PRUNE2: variants seen among roughly 807,000 people sequenced by gnomAD.
PRUNE2 encodes protein prune homolog 2.
A neutral mutation model predicts 252.0 loss-of-function variants in PRUNE2; 164 were observed. The ratio of observed to expected loss-of-function variants is 0.65; its 90% CI spans 0.57 to 0.74. The LOEUF is 0.74. Among genes scored for constraint, PRUNE2 ranks in the 30% least tolerant of loss-of-function variants. PRUNE2 has a pLI of 0.00. For synonymous variants in PRUNE2, 1,292 were observed against 1,350.2 expected (o/e 0.96, Z 0.94); for missense variants, 3,495 against 3,711.0 (o/e 0.94, Z 1.51).
chr9:76,642,451 C>T (rs536792552), intron 12 of PRUNE2, among the ~76,000 whole-genome samples: 1 of 152,312 alleles, frequency 6.6e-6, no homozygotes, highest in African/African-American at 2.4e-5. Context: ...ACAGGTAGGA[C>T]ACCTGGCAGG....
rs1248532272 is a variant in PRUNE2 at position 76,854,090 on chromosome 9, C to CT, written c.141+13dup. On this transcript the variant is annotated intron_variant, in intron 2 of 18. Transcript: ENST00000376718. ...AATTCAAAATATAAGGAGTATTACC[C>CT]TTTTTTCCCTCACCTTGTCTAGAAA... is the stretch of plus-strand genomic sequence containing the variant. 3 of 1,382,594 alleles carry CT rather than the reference C, an allele frequency of 2.2e-6. No homozygotes were observed. The highest frequency in any genetic ancestry group is 1.3e-5 in the South Asian group (1 of 79,950). 85.6% of individuals were successfully genotyped at this position (1,382,594 alleles called of 1,614,324 possible).
At chr9:76,894,561 C>G (rs572928680) in intron 1 of PRUNE2, among the ~76,000 whole-genome samples, 1 of 152,150 alleles carries the variant, frequency 6.6e-6, no homozygotes, top group Non-Finnish European at 1.5e-5. Flanking sequence ...CTGGCCAGCA[C>G]CACTGACCAC....
chr9:76,866,927 C>G (rs11145108), intron 1 of PRUNE2, among the ~76,000 whole-genome samples: 6,229 of 152,180 alleles, frequency 0.041, 400 homozygotes, highest in African/African-American at 0.14. Flanking sequence ...AGCCCAGGCC[C>G]CTGTGTGCAC....
rs566424507 is a variant in PRUNE2 at position 76,866,852 on chromosome 9, A to G, written c.37-12644T>C. 3.3e-5 allele frequency among the ~76,000 whole-genome samples: 5 copies of G among 151,606 alleles called. No individual in the cohort carries two copies. The South Asian group carries it at 8.4e-4, about 25-fold the overall frequency. ...GTAGGGAGGAAGTTAAGAGGGAGAG[A>G]GGGAGCGGATGGTCAGAAGGGAGGG... On this transcript the variant is annotated intron_variant, in intron 1 of 18. Transcript: ENST00000376718.
chr9:76,643,600 C>T (rs1410546699), intron 12 of PRUNE2, among the ~76,000 whole-genome samples: 1 of 152,310 alleles, frequency 6.6e-6, no homozygotes, highest in Non-Finnish European at 1.5e-5. Flanking sequence ...GGAAACTGCT[C>T]CTGACCCCAC....
At chr9:76,768,530 C>T (rs1482812441) in intron 6 of PRUNE2, among the ~76,000 whole-genome samples, 2 of 151,278 alleles carry the variant, frequency 1.3e-5, no homozygotes, top group African/African-American at 4.9e-5. Context: ...GCAGCCGCAC[C>T]TAGAACGTTC....
At chr9:76,762,449 G>C (rs866732004) in intron 6 of PRUNE2, among the ~76,000 whole-genome samples, 1 of 152,116 alleles carries the variant, frequency 6.6e-6, no homozygotes, top group Admixed American at 6.5e-5. Context: ...TGCTTGGCTC[G>C]AACTTTCTGG....
intron 14 of PRUNE2, 46 bp downstream of exon 14, chr9:76,637,372 A>G (rs1456621333): frequency 1.9e-6 from 3 of 1,598,690 alleles, no homozygotes; most frequent in South Asian, 2.2e-5. Flanking sequence ...TTTAGTCTTC[A>G]GTTTACCAAA....
intron 6 of PRUNE2, among the ~76,000 whole-genome samples, chr9:76,822,402 G>A (rs1589407823): frequency 6.6e-6 from 1 of 152,200 alleles, no homozygotes; most frequent in African/African-American, 2.4e-5. Context: ...AAAAGATCAC[G>A]AAAAGAAAGC....
chr9:76,710,414 C>T lies in PRUNE2; in HGVS notation c.1860G>A (p.Ser620=), dbSNP rs547633681. 12 of 1,613,778 alleles carry T rather than the reference C, an allele frequency of 7.4e-6. No individual in the cohort carries two copies. Among genetic ancestry groups the T allele is most frequent in the African/African-American group, 2.7e-5 (2 of 74,898 alleles). Reference sequence around the variant, plus strand: ...GTGAGGCTGGTTCTTCAGTGGATGGCGAGCTTTCTACTAAACTATTCATGG... The same window carrying T: ...GTGAGGCTGGTTCTTCAGTGGATGGTGAGCTTTCTACTAAACTATTCATGG... The part of the protein sequence containing the change: ...PTPMNSLVES[S]PSTEEPASLY... The change falls in exon 8 of 19, where the codon TCG becomes TCA. Residue 620 remains serine (S), a synonymous_variant. Transcript: ENST00000376718.
chr9:76,807,158 C>A (rs1188735016), intron 6 of PRUNE2, among the ~76,000 whole-genome samples: 1 of 151,764 alleles, frequency 6.6e-6, no homozygotes, highest in Non-Finnish European at 1.5e-5. Context: ...CAGCCTTAAA[C>A]TCCTGGGCTC....
chr9:76,856,402 C>T (rs1366737223), intron 1 of PRUNE2: 1 of 152,186 alleles, frequency 6.6e-6, no homozygotes, highest in Non-Finnish European at 1.5e-5. Flanking sequence ...TGATCATTCC[C>T]TGACATAGCT....
chr9:76,627,303 G>GGGGC (rs1835327366), intron 16 of PRUNE2, among the ~76,000 whole-genome samples: 1 of 121,566 alleles, frequency 8.2e-6, no homozygotes, highest in South Asian at 3.2e-4. Context: ...GGGTGGCGGG[G>GGGGC]GGCTCACCAT....
At chr9:76,826,201 T>A (rs1041476090) in intron 5 of PRUNE2, among the ~76,000 whole-genome samples, 2 of 152,130 alleles carry the variant, frequency 1.3e-5, no homozygotes, top group Non-Finnish European at 2.9e-5. Flanking sequence ...CAGCTGGGCA[T>A]GGTGGCTCAC....
At chr9:76,670,176 A>G (rs949372690) in intron 9 of PRUNE2, among the ~76,000 whole-genome samples, 1 of 152,170 alleles carries the variant, frequency 6.6e-6, no homozygotes, top group Non-Finnish European at 1.5e-5. Context: ...GACAGTGGGC[A>G]CAGGTCAGTG....
intron 9 of PRUNE2, among the ~76,000 whole-genome samples, chr9:76,679,302 A>G (rs1458779183): frequency 6.6e-6 from 1 of 152,212 alleles, no homozygotes; most frequent in Non-Finnish European, 1.5e-5. Flanking sequence ...GTGGTTTTCA[A>G]AACCAAGTGA....
At chr9:76,663,415 C>A (rs1318339846) in intron 9 of PRUNE2, among the ~76,000 whole-genome samples, 1 of 152,186 alleles carries the variant, frequency 6.6e-6, no homozygotes, top group African/African-American at 2.4e-5. Context: ...CAGACACCTT[C>A]TTTAGGGAAT....
intron 6 of PRUNE2, among the ~76,000 whole-genome samples, chr9:76,758,132 A>C (rs1458445119): frequency 1.3e-5 from 2 of 152,256 alleles, no homozygotes; most frequent in Non-Finnish European, 2.9e-5. Flanking sequence ...AAACTAATAG[A>C]GTAAAAGAGA....
At chr9:76,842,327 A>G (rs952206675) in intron 4 of PRUNE2, among the ~76,000 whole-genome samples, 23 of 152,354 alleles carry the variant, frequency 1.5e-4, no homozygotes, top group African/African-American at 5.3e-4. Context: ...TACACCTTAC[A>G]AAAATTAACT....
Sources: allele counts gnomAD v4.1 joint callset (sites outside exome capture counted in the v4.1 genomes callset), GRCh38; gene constraint gnomAD v4.1.1; transcripts MANE v1.5; gene names NCBI Gene and HGNC (gene_info 2026-07-23, HGNC 2026-07-21).